GOSR2: variants seen among roughly 807,000 people sequenced by gnomAD.
GOSR2 encodes golgi SNAP receptor complex member 2.
In GOSR2, 20 loss-of-function variants were observed where a neutral mutation model predicts 27.9. The observed-to-expected ratio is 0.72, with a 90% CI of 0.50 to 1.04. GOSR2 has a LOEUF of 1.04. Ranked by LOEUF, GOSR2 falls within the 50% of genes least tolerant of loss-of-function variation. The pLI is 0.00. For synonymous variants in GOSR2, 91 were observed against 98.8 expected, an observed-to-expected ratio of 0.92 and a Z score of 0.47; for missense variants, 261 against 270.5, an observed-to-expected ratio of 0.97 and a Z score of 0.25.
In GOSR2 at chr17:46,955,648, C is replaced by A. The variant is rs76618909; in HGVS notation, c.584-10886C>A. 2.0e-5 allele frequency: 3 copies of A among 152,328 alleles called. No individual in the cohort carries two copies. The East Asian group carries it at 5.8e-4, about 29-fold the overall frequency. The allele number at this position is 152,328 out of a possible 1,614,324, so 9.4% of individuals were successfully genotyped here. On this transcript the variant is annotated intron_variant, in intron 6 of 6. Transcript: ENST00000573224. ...TCTGAAGCAGTGCATGGCTTGGAATCCTGTCTGCTCTTCACCGAACCATTC... is the reference window on the plus strand; with the variant it reads ...TCTGAAGCAGTGCATGGCTTGGAATACTGTCTGCTCTTCACCGAACCATTC...
At chr17:46,971,388 C>T (rs2091391484), downstream of GOSR2, among the ~76,000 whole-genome samples, 1 of 152,084 alleles carries the variant, frequency 6.6e-6, no homozygotes, top group Non-Finnish European at 1.5e-5. Flanking sequence ...AGGACACACT[C>T]CATGGCTTCT....
chr17:46,940,957 A>C lies in GOSR2; in HGVS notation c.*2197A>C. On this transcript the variant is annotated 3_prime_UTR_variant, in exon 6 of 6. Coordinates refer to ENST00000640051, the MANE Select transcript of GOSR2 (RefSeq NM_004287.5). ...TTGGCCTAACAGTGTGACTCTCTCCACCGCCTCAGTGTAGGGAAGGGTCCA... is the reference window on the plus strand; with the variant it reads ...TTGGCCTAACAGTGTGACTCTCTCCCCCGCCTCAGTGTAGGGAAGGGTCCA... 8.1e-7 allele frequency: 1 copy of C among 1,237,302 alleles called. No individual in the cohort carries two copies. Among genetic ancestry groups the C allele is most frequent in the Non-Finnish European group, 1.0e-6 (1 of 974,524 alleles). The allele number at this position is 1,237,302 out of a possible 1,614,324, so 76.6% of individuals were successfully genotyped here. A position where few individuals can be genotyped will look rare whatever the true frequency, so the allele number is the denominator to read the frequency against.
chr17:46,966,820 T>A, exon 7 of GOSR2: 1 of 428,326 alleles, frequency 2.3e-6, no homozygotes, highest in Non-Finnish European at 4.1e-6. Context: ...AAATCAGAAT[T>A]ATGAAAAGTG....
In GOSR2 at chr17:46,923,208, C is replaced by T. The variant is rs2146691974; in HGVS notation, c.16C>T (p.Gln6Ter). ...GGCCGGCGACATGGATCCCCTGTTC[C>T]AGCAAACGCACAAGTGAGGGCCGGT... MDPLF[Q>*]QTHKQVHEIQ... The change falls in exon 1 of 6, where the codon CAG (glutamine) becomes TAG (stop). Residue 6 changes from glutamine (Q) to a stop codon, truncating the protein, a stop_gained. Transcript: ENST00000640051. LOFTEE classifies it high-confidence loss of function. The T allele has an allele frequency of 6.5e-7, 1 of 1,549,880 alleles. No individual in the cohort carries two copies. Among genetic ancestry groups the T allele is most frequent in the Non-Finnish European group, 8.7e-7 (1 of 1,145,458 alleles).
chr17:46,952,073 T>A (rs1362694050), intron 6 of GOSR2, among the ~76,000 whole-genome samples: 1 of 152,228 alleles, frequency 6.6e-6, no homozygotes, highest in Non-Finnish European at 1.5e-5. Context: ...TGTTATTTTT[T>A]GTGAAGCTAT....
exon 7 of GOSR2, chr17:46,966,885 T>A (rs2091338415): frequency 2.5e-6 from 1 of 403,220 alleles, no homozygotes; most frequent in African/African-American, 2.0e-5. Context: ...ATTATGCTAA[T>A]TAGCACCTTA....
chr17:46,940,149 T>C lies in GOSR2; in HGVS notation c.*1389T>C. On this transcript the variant is annotated 3_prime_UTR_variant, in exon 6 of 6. Transcript: ENST00000640051. ...TGTTCCCCTCCCCGCTGCTCTGTAGTCATGTTGGTCCTTTCAGGCACCTCT... is the reference window on the plus strand; with the variant it reads ...TGTTCCCCTCCCCGCTGCTCTGTAGCCATGTTGGTCCTTTCAGGCACCTCT... 7.7e-7 allele frequency: 1 copy of C among 1,306,868 alleles called. No individual in the cohort carries two copies. The highest frequency in any genetic ancestry group is 9.8e-7 in the Non-Finnish European group (1 of 1,022,794). 81.0% of individuals were successfully genotyped at this position (1,306,868 alleles called of 1,614,324 possible).
At position 46,956,330 on chromosome 17, in the gene GOSR2, G is replaced by T. The variant is rs143978713; in HGVS notation, c.584-10204G>T. On this transcript the variant is annotated intron_variant, in intron 6 of 6. Transcript: ENST00000573224. Reference sequence around the variant, plus strand: ...TTTGAGACAGAGTTTCGCTTTTGTTGCCCAGGCTGGAGTGCAATGCTGCCA... The same window carrying T: ...TTTGAGACAGAGTTTCGCTTTTGTTTCCCAGGCTGGAGTGCAATGCTGCCA... Among the ~76,000 whole-genome samples, 171 of 105,828 alleles carry T rather than the reference G, an allele frequency of 1.6e-3. 1 individual carries two copies. Among genetic ancestry groups the T allele is most frequent in the African/African-American group, 6.3e-3 (167 of 26,474 alleles). 69.4% of individuals were successfully genotyped at this position (105,828 alleles called of 152,430 possible).
chr17:46,926,634 G>A (rs576446671), intron 1 of GOSR2, among the ~76,000 whole-genome samples: 1 of 152,314 alleles, frequency 6.6e-6, no homozygotes, highest in African/African-American at 2.4e-5. Context: ...AGTGTGTTAT[G>A]TTGTGTTAGA....
At chr17:46,958,510 A>G (rs1047424398) in intron 6 of GOSR2, among the ~76,000 whole-genome samples, 8 of 152,232 alleles carry the variant, frequency 5.3e-5, no homozygotes, top group African/African-American at 1.9e-4. Flanking sequence ...GCCAAGAGCC[A>G]CTGGAAGTAG....
intron 6 of GOSR2, among the ~76,000 whole-genome samples, chr17:46,963,381 C>T (rs975838610): frequency 6.6e-6 from 1 of 152,034 alleles, no homozygotes; most frequent in Admixed American, 6.5e-5. Context: ...CCCATCTCTA[C>T]TAAAAATAAA....
rs542556231 is a variant in GOSR2 at position 46,929,087 on chromosome 17, C to T, written c.30-433C>T. 7.2e-5 allele frequency among the ~76,000 whole-genome samples: 11 copies of T among 152,312 alleles called. No individual in the cohort carries two copies. In the South Asian group the frequency reaches 1.5e-3, roughly 20 times the overall value. ...TCAAGGACAAGGATTATATCTCCCT[C>T]GCCCTTTGACTCTTCCTGGTACAGG... is the stretch of plus-strand genomic sequence containing the variant. On this transcript the variant is annotated intron_variant, in intron 1 of 5. Transcript: ENST00000640051.
downstream of GOSR2, among the ~76,000 whole-genome samples, chr17:46,945,862 A>G (rs1387948341): frequency 6.6e-6 from 1 of 152,182 alleles, no homozygotes; most frequent in African/African-American, 2.4e-5. Context: ...AACCCTGGAG[A>G]TAAACCCCTG....
intron 1 of GOSR2, 73 bp from the exon 2 acceptor site, chr17:46,929,447 A>G (rs1237153509): frequency 9.8e-6 from 8 of 817,434 alleles, no homozygotes; most frequent in Admixed American, 5.1e-5. Flanking sequence ...TGGCATCAGA[A>G]AAATTGTCTT....
At chr17:46,950,787 A>G (rs542911465) in intron 6 of GOSR2, among the ~76,000 whole-genome samples, 1 of 152,104 alleles carries the variant, frequency 6.6e-6, no homozygotes, top group Non-Finnish European at 1.5e-5. Context: ...GGCTGATGAG[A>G]TCAAAACTGT....
chr17:46,928,318 G>C (rs1036126783), intron 1 of GOSR2, among the ~76,000 whole-genome samples: 1 of 152,194 alleles, frequency 6.6e-6, no homozygotes, highest in Admixed American at 6.5e-5. Flanking sequence ...TGCCTGGCTG[G>C]CATTGGTAGA....
intron 5 of GOSR2, chr17:46,936,602 G>A (rs564403015): frequency 3.0e-6 from 3 of 985,456 alleles, no homozygotes; most frequent in Admixed American, 6.1e-5. Context: ...CTAGGCTGAA[G>A]CACTCTGATG....
At chr17:46,929,418 A>T in intron 1 of GOSR2, 102 bp from the exon 2 acceptor site, 1 of 749,318 alleles carries the variant, frequency 1.3e-6, no homozygotes, top group South Asian at 1.4e-5. Context: ...GATGCTGTCG[A>T]TTTAAATCAG....
intron 1 of GOSR2, among the ~76,000 whole-genome samples, chr17:46,925,366 C>A (rs892758607): frequency 6.6e-6 from 1 of 152,248 alleles, no homozygotes; most frequent in Non-Finnish European, 1.5e-5. Context: ...TTATTGAGCA[C>A]CTACTATGTG....
Sources: allele counts gnomAD v4.1 joint callset (sites outside exome capture counted in the v4.1 genomes callset), GRCh38; gene constraint gnomAD v4.1.1; transcripts MANE v1.5; gene names NCBI Gene and HGNC (gene_info 2026-07-23, HGNC 2026-07-21).